Variants in IPP observed in about 807,000 individuals in gnomAD.
IPP encodes actin-binding protein IPP.
IPP carries 41 observed loss-of-function variants against 64.1 expected under a neutral mutation model. The ratio of observed to expected loss-of-function variants is 0.64; its 90% confidence interval spans 0.50 to 0.83. The LOEUF (loss-of-function observed/expected upper bound fraction) is 0.83, where lower values mean the gene tolerates loss of function less well. IPP is among the 40% of genes least tolerant of loss of function. The pLI is 0.00. For synonymous variants in IPP, 214 were observed against 235.2 expected, an observed-to-expected ratio of 0.91 and a Z score of 0.83; for missense variants, 649 against 703.0, an observed-to-expected ratio of 0.92 and a Z score of 0.87.
chr1:45,716,611 A>G (rs781094092), intron 7 of IPP, among the ~76,000 whole-genome samples: 78 of 152,364 alleles, frequency 5.1e-4, no homozygotes, highest in African/African-American at 1.8e-3. Flanking sequence ...AGAAAAGACA[A>G]TAACAGATAA....
chr1:45,717,138 T>C lies in IPP; in HGVS notation c.1187-121A>G, dbSNP rs1645670213. 3.4e-6 allele frequency: 3 copies of C among 884,156 alleles called. No individual in the cohort carries two copies. In the East Asian group the frequency reaches 8.8e-5, roughly 26 times the overall value. The allele number at this position is 884,156 out of a possible 1,614,324, so 54.8% of individuals were successfully genotyped here. A position where few individuals can be genotyped will look rare whatever the true frequency, so the allele number is the denominator to read the frequency against. ...TAGATATCACATGAGCCAAAGAGGT[T>C]ATCTGTTCCACGATCCCATGAAAAA... On this transcript the variant is annotated intron_variant, in intron 6 of 8. Transcript: ENST00000396478.
intron 8 of IPP, among the ~76,000 whole-genome samples, chr1:45,712,557 T>A (rs1383529098): frequency 1.5e-4 from 23 of 150,764 alleles, no homozygotes; most frequent in Non-Finnish European, 1.3e-4. Flanking sequence ...ACCAGAAAAA[T>A]TTAAAAAAGA....
downstream of IPP, among the ~76,000 whole-genome samples, chr1:45,697,588 C>T (rs548335813): frequency 3.1e-4 from 47 of 152,210 alleles, 1 homozygote; most frequent in African/African-American, 1.0e-3. Context: ...CTACCTAATT[C>T]ATTAATGCAA....
At chr1:45,730,918 C>T (rs1018090952) in intron 3 of IPP, among the ~76,000 whole-genome samples, 4 of 152,224 alleles carry the variant, frequency 2.6e-5, no homozygotes, top group Non-Finnish European at 5.9e-5. Context: ...AAAGTCTTTA[C>T]AAGACCATCA....
At chr1:45,720,175 A>G (rs1470279970) in intron 5 of IPP, among the ~76,000 whole-genome samples, 7 of 152,018 alleles carry the variant, frequency 4.6e-5, no homozygotes, top group Admixed American at 6.6e-5. Context: ...TCCTGGACTC[A>G]AGCGATCCTC....
intron 3 of IPP, among the ~76,000 whole-genome samples, chr1:45,735,759 A>G (rs1166664895): frequency 1.3e-5 from 2 of 151,106 alleles, no homozygotes; most frequent in Admixed American, 6.6e-5. Flanking sequence ...CCTCTCGAGT[A>G]GCTGGGACTA....
At chr1:45,702,017 T>C (rs1210624263) in intron 8 of IPP, among the ~76,000 whole-genome samples, 1 of 152,208 alleles carries the variant, frequency 6.6e-6, no homozygotes, top group East Asian at 1.9e-4. Context: ...CTGACACAAC[T>C]GAAAAATACT....
At position 45,729,618 on chromosome 1, in the gene IPP, T is replaced by C. The variant is rs142284618; in HGVS notation, c.876A>G (p.Ala292=). Residue 292 remains alanine (A), a synonymous_variant, in exon 4 of 9, where the codon GCA becomes GCG. Coordinates refer to ENST00000396478, the MANE Select transcript of IPP (RefSeq NM_005897.3). ...CTTTTTTAAGGGCTCTCTCACCTACTGCATACAGGTACTTTCTTGCTTTCT... is the reference window on the plus strand; with the variant it reads ...CTTTTTTAAGGGCTCTCTCACCTACCGCATACAGGTACTTTCTTGCTTTCT... ...PRKKARKYLY[A]VGGYTRLQGG... 6 of 1,609,156 alleles carry C rather than the reference T, an allele frequency of 3.7e-6. No homozygotes were observed. The highest frequency in any genetic ancestry group is 5.1e-6 in the Non-Finnish European group (6 of 1,177,688).
rs377577167 is a variant in IPP at position 45,746,257 on chromosome 1, C to T, written c.155G>A (p.Arg52Gln). The change falls in exon 2 of 9, where the codon CGG becomes CAG. Residue 52 changes from arginine (R) to glutamine (Q), a missense_variant. Coordinates refer to ENST00000396478, the MANE Select transcript of IPP (RefSeq NM_005897.3). ...QVGQESFKAH[R>Q]LVLAASSPYF... ...AGGACTGCTGGCAGCCAAAACCAGCCGATGAGCTTTAAAACTTTCCTGTCC... is the reference window on the plus strand; with the variant it reads ...AGGACTGCTGGCAGCCAAAACCAGCTGATGAGCTTTAAAACTTTCCTGTCC... 3.7e-6 allele frequency: 6 copies of T among 1,614,168 alleles called. No homozygotes were observed. Among genetic ancestry groups the T allele is most frequent in the East Asian group, 2.2e-5 (1 of 44,888 alleles).
rs371265806 is a variant in IPP, at chr1:45,745,654, C to T, written c.292+466G>A. Among the ~76,000 whole-genome samples, 7 of 151,112 alleles carry T rather than the reference C, an allele frequency of 4.6e-5. No homozygotes were observed. In the East Asian group the frequency reaches 1.2e-3, roughly 25 times the overall value. ...CGGGCGGATCATGAGGTCAGGAGATCGAGACAATCCTGGCTAACACAGTGA... is the reference window on the plus strand; with the variant it reads ...CGGGCGGATCATGAGGTCAGGAGATTGAGACAATCCTGGCTAACACAGTGA... On this transcript the variant is annotated intron_variant, in intron 2 of 8. Transcript: ENST00000396478.
intron 2 of IPP, among the ~76,000 whole-genome samples, chr1:45,745,368 G>A (rs1171034390): frequency 6.6e-6 from 1 of 151,908 alleles, no homozygotes; most frequent in Non-Finnish European, 1.5e-5. Flanking sequence ...GTTTTTTTGG[G>A]TTGTGTTTCA....
At chr1:45,711,926 A>G (rs1264330174) in intron 8 of IPP, among the ~76,000 whole-genome samples, 1 of 152,210 alleles carries the variant, frequency 6.6e-6, no homozygotes, top group Non-Finnish European at 1.5e-5. Flanking sequence ...AGACAAATCC[A>G]TAATTATAGA....
At chr1:45,705,957 G>A (rs1645507692) in intron 8 of IPP, among the ~76,000 whole-genome samples, 1 of 152,110 alleles carries the variant, frequency 6.6e-6, no homozygotes. Flanking sequence ...ACGCAGAAGG[G>A]GATCTCAAGC....
At chr1:45,701,228 A>T (rs1645445931) in intron 8 of IPP, among the ~76,000 whole-genome samples, 1 of 152,240 alleles carries the variant, frequency 6.6e-6, no homozygotes, top group Non-Finnish European at 1.5e-5. Context: ...GTTATACATC[A>T]TTCCCTGAAG....
At chr1:45,711,270 G>A (rs1645586564) in intron 8 of IPP, among the ~76,000 whole-genome samples, 1 of 151,914 alleles carries the variant, frequency 6.6e-6, no homozygotes, top group Non-Finnish European at 1.5e-5. Flanking sequence ...GAACCTGGGA[G>A]GCGGAGGTTG....
chr1:45,736,127 AT>A (rs1164795942), intron 3 of IPP, among the ~76,000 whole-genome samples: 9 of 149,088 alleles, frequency 6.0e-5, no homozygotes, highest in Non-Finnish European at 8.9e-5. Flanking sequence ...AAAAAAAAAA[AT>A]TTTTTTTTGT....
At chr1:45,732,193 C>T (rs901815207) in intron 3 of IPP, among the ~76,000 whole-genome samples, 1 of 151,760 alleles carries the variant, frequency 6.6e-6, no homozygotes, top group Non-Finnish European at 1.5e-5. Context: ...AACCTCATCT[C>T]TACTAAAAAT....
intron 8 of IPP, among the ~76,000 whole-genome samples, chr1:45,711,754 A>C (rs904311786): frequency 1.4e-5 from 2 of 143,570 alleles, no homozygotes; most frequent in Admixed American, 7.0e-5. Context: ...ACTCTGTCAC[A>C]AAAAAAAAAA....
intron 8 of IPP, among the ~76,000 whole-genome samples, chr1:45,702,645 G>A (rs980838709): frequency 3.3e-5 from 5 of 152,074 alleles, no homozygotes; most frequent in Non-Finnish European, 7.4e-5. Context: ...AGTAGAGACA[G>A]GGTTTTACCA....
Sources: gnomAD v4.1 joint callset for allele counts (sites outside exome capture counted in the v4.1 genomes callset) on GRCh38, gnomAD v4.1.1 for gene constraint, MANE v1.5 for transcripts, NCBI Gene and HGNC (gene_info 2026-07-23, HGNC 2026-07-21) for gene names.